Variants in CLRN1 observed in about 807,000 individuals in gnomAD.
CLRN1 encodes clarin-1.
A neutral mutation model predicts 18.7 loss-of-function variants in CLRN1; 15 were observed. The observed-to-expected ratio is 0.80, with a 90% CI of 0.54 to 1.23. The LOEUF (loss-of-function observed/expected upper bound fraction) is 1.23, where lower values mean the gene tolerates loss of function less well. Among genes scored for constraint, CLRN1 ranks in the 50% most tolerant of loss-of-function variants. The pLI, the probability that CLRN1 is intolerant of heterozygous loss-of-function variation, is 0.00. For synonymous variants in CLRN1, 104 were observed against 102.9 expected (o/e 1.01, Z -0.07); for missense variants, 311 against 277.5 (o/e 1.12, Z -0.86).
chr3:150,963,170 G>A (rs755283183), intron 1 of CLRN1, among the ~76,000 whole-genome samples: 1 of 152,248 alleles, frequency 6.6e-6, no homozygotes. Context: ...AAACCCTGTC[G>A]TCTCAGCCCA....
intron 1 of CLRN1, among the ~76,000 whole-genome samples, chr3:150,944,657 A>T (rs1714065581): frequency 6.6e-6 from 1 of 151,882 alleles, no homozygotes; most frequent in Admixed American, 6.6e-5. Context: ...CAGAAGACTG[A>T]GGCAGGAGAA....
intron 2 of CLRN1, among the ~76,000 whole-genome samples, chr3:150,929,731 A>ATTT (rs1713039173): frequency 6.6e-6 from 1 of 152,222 alleles, no homozygotes; most frequent in African/African-American, 2.4e-5. Flanking sequence ...ATTTGGTTTC[A>ATTT]AATCCTGATT....
chr3:150,926,232 C>T (rs1293459597), downstream of CLRN1: 7 of 157,254 alleles, frequency 4.5e-5, no homozygotes, highest in Admixed American at 1.2e-4. Flanking sequence ...TCTCTTTCTA[C>T]GGAACAGAGA....
At chr3:150,953,877 G>T (rs908822303) in intron 1 of CLRN1, among the ~76,000 whole-genome samples, 5 of 152,108 alleles carry the variant, frequency 3.3e-5, no homozygotes, top group African/African-American at 1.2e-4. Context: ...TATGAGGAAG[G>T]TATTATTTTA....
At chr3:150,955,673 A>T (rs1714701967) in intron 1 of CLRN1, among the ~76,000 whole-genome samples, 1 of 152,200 alleles carries the variant, frequency 6.6e-6, no homozygotes, top group African/African-American at 2.4e-5. Context: ...GCAGATGTAA[A>T]GTTCCAGATT....
At chr3:150,932,375 TG>T (rs1201193218) in intron 2 of CLRN1, among the ~76,000 whole-genome samples, 4 of 152,202 alleles carry the variant, frequency 2.6e-5, no homozygotes, top group Admixed American at 2.0e-4. Context: ...AGAGGTCCTA[TG>T]GGTTTGGCTC....
intron 1 of CLRN1, among the ~76,000 whole-genome samples, chr3:150,949,133 A>G (rs918148841): frequency 2.0e-5 from 3 of 152,258 alleles, no homozygotes; most frequent in Non-Finnish European, 2.9e-5. Flanking sequence ...ACAGAGGCAG[A>G]AAAGACTTTT....
At chr3:150,944,049 G>A in intron 1 of CLRN1, 1 of 854,130 alleles carries the variant, frequency 1.2e-6, no homozygotes, top group Non-Finnish European at 1.9e-6. Flanking sequence ...AAATAAAATA[G>A]GGTAATGGGA....
Position 150,927,995 on chromosome 3 carries a change from G to A in CLRN1, c.640C>T (p.Pro214Ser), listed in dbSNP as rs376827726. 3.1e-6 allele frequency: 5 copies of A among 1,613,938 alleles called. No homozygotes were observed. The highest frequency in any genetic ancestry group is 1.3e-5 in the African/African-American group (1 of 74,872). The change falls in exon 3 of 3, where the codon CCT (proline) becomes TCT (serine). Residue 214 changes from proline (P) to serine (S), a missense_variant. Pro to Ser is a moderately conservative substitution (Grantham distance 74, BLOSUM62 -1). Coordinates refer to ENST00000327047, the MANE Select transcript of CLRN1 (RefSeq NM_174878.3). ...LLIRLAGFQF[P>S]FAKSKDAETT... ...TCTGCGTCTTTAGATTTTGCAAAAGGGAACTGAAATCCAGCAAGTCGTATT... is the reference window on the plus strand; with the variant it reads ...TCTGCGTCTTTAGATTTTGCAAAAGAGAACTGAAATCCAGCAAGTCGTATT...
chr3:150,946,653 A>G (rs781711444), intron 1 of CLRN1, among the ~76,000 whole-genome samples: 109 of 151,908 alleles, frequency 7.2e-4, no homozygotes, highest in Non-Finnish European at 1.3e-3. Flanking sequence ...AATAAAATGT[A>G]ATGTATGGCT....
At chr3:150,952,565 A>G (rs1714545881) in intron 1 of CLRN1, among the ~76,000 whole-genome samples, 1 of 152,218 alleles carries the variant, frequency 6.6e-6, no homozygotes, top group Non-Finnish European at 1.5e-5. Context: ...TCTATACTAC[A>G]ATAACCTGCC....
chr3:150,967,976 T>G (rs1715344943), intron 1 of CLRN1, among the ~76,000 whole-genome samples: 1 of 152,228 alleles, frequency 6.6e-6, no homozygotes, highest in South Asian at 2.1e-4. Context: ...AACTAATTTC[T>G]GTTCAGCTTT....
At chr3:150,961,895 T>TCTGGTTG (rs1715057350) in intron 1 of CLRN1, among the ~76,000 whole-genome samples, 1 of 152,178 alleles carries the variant, frequency 6.6e-6, no homozygotes, top group Admixed American at 6.5e-5. Flanking sequence ...TTCCAAAGGC[T>TCTGGTTG]ATGTGGTCAG....
At chr3:150,964,243 A>G (rs1475978877) in intron 1 of CLRN1, among the ~76,000 whole-genome samples, 1 of 152,232 alleles carries the variant, frequency 6.6e-6, no homozygotes, top group Non-Finnish European at 1.5e-5. Flanking sequence ...AAAAGTGGGC[A>G]AAGGATATGA....
At chr3:150,950,806 G>C (rs1486771701) in intron 1 of CLRN1, among the ~76,000 whole-genome samples, 1 of 151,974 alleles carries the variant, frequency 6.6e-6, no homozygotes, top group African/African-American at 2.4e-5. Context: ...ACTACCAGAA[G>C]AATAGAAATC....
At chr3:150,932,423 G>A (rs556303575) in intron 2 of CLRN1, among the ~76,000 whole-genome samples, 1 of 152,286 alleles carries the variant, frequency 6.6e-6, no homozygotes, top group South Asian at 2.1e-4. Context: ...GTTATGAAAT[G>A]TTATCCTATG....
chr3:150,954,499 A>T (rs183032454), intron 1 of CLRN1, among the ~76,000 whole-genome samples: 2 of 152,290 alleles, frequency 1.3e-5, no homozygotes. Context: ...AAAAGTCTTT[A>T]TGCATGCTGG....
intron 2 of CLRN1, among the ~76,000 whole-genome samples, chr3:150,933,076 C>A (rs967394305): frequency 1.3e-5 from 2 of 152,210 alleles, no homozygotes. Flanking sequence ...AATTTATTTT[C>A]GGAAATATGT....
At chr3:150,963,785 G>C (rs2107984511) in intron 1 of CLRN1, among the ~76,000 whole-genome samples, 1 of 152,298 alleles carries the variant, frequency 6.6e-6, no homozygotes, top group South Asian at 2.1e-4. Flanking sequence ...TCTGCTCTTT[G>C]ACAAACCTGA....
Sources: allele counts gnomAD v4.1 joint callset (sites outside exome capture counted in the v4.1 genomes callset), GRCh38; gene constraint gnomAD v4.1.1; transcripts MANE v1.5; gene names NCBI Gene and HGNC (gene_info 2026-07-23, HGNC 2026-07-21).